Variants in AGL observed in about 807,000 individuals in gnomAD.
The protein encoded by AGL is amylo-alpha-1,6-glucosidase and 4-alpha-glucanotransferase, also known as glycogen debranching enzyme.
In AGL, 128 loss-of-function variants were observed where a neutral mutation model predicts 199.3. That is an observed-to-expected ratio of 0.64 (90% CI 0.56 to 0.74). The LOEUF (loss-of-function observed/expected upper bound fraction) is 0.74, where lower values mean the gene tolerates loss of function less well. AGL is among the 30% of genes least tolerant of loss of function. The pLI, the probability that AGL is intolerant of heterozygous loss-of-function variation, is 0.00. For synonymous variants in AGL, 584 were observed against 594.7 expected, an observed-to-expected ratio of 0.98 and a Z score of 0.26; for missense variants, 1,809 against 1,820.8, an observed-to-expected ratio of 0.99 and a Z score of 0.12.
In AGL at chr1:99,913,712, C is replaced by T; in HGVS notation, c.4135C>T (p.Pro1379Ser). ...TCCTTGGTGTGACTATCAGCTCAGG[C>T]CTAATTTTACCATAGCAATGGTTGT... The part of the protein sequence containing the change: ...SSPWCDYQLR[P>S]NFTIAMVVAP... The change falls in exon 30 of 34, where the codon CCT becomes TCT. Residue 1379 changes from proline to serine, a missense_variant. Physicochemically the swap from Pro to Ser is moderately conservative, Grantham distance 74. Coordinates refer to ENST00000361915, the MANE Select transcript of AGL (RefSeq NM_000642.3). The T allele has an allele frequency of 6.2e-7, 1 of 1,613,966 alleles. No individual in the cohort carries two copies. The highest frequency in any genetic ancestry group is 8.5e-7 in the Non-Finnish European group (1 of 1,179,916).
At chr1:99,892,997 A>C (rs1653026877) in intron 24 of AGL, among the ~76,000 whole-genome samples, 1 of 152,192 alleles carries the variant, frequency 6.6e-6, no homozygotes, top group South Asian at 2.1e-4. Flanking sequence ...AAAACAAAAC[A>C]GATGTTAAAT....
chr1:99,867,518 C>T (rs756624700), intron 5 of AGL, among the ~76,000 whole-genome samples: 8 of 151,984 alleles, frequency 5.3e-5, no homozygotes, highest in East Asian at 3.9e-4. Context: ...TTCTCCCTGC[C>T]GGCCCTGTCT....
At chr1:99,894,663 A>G (rs184136289) in intron 24 of AGL, among the ~76,000 whole-genome samples, 61 of 152,338 alleles carry the variant, frequency 4.0e-4, no homozygotes, top group African/African-American at 1.3e-3. Flanking sequence ...AGAAACTAAC[A>G]TCTAATTCCC....
chr1:99,864,309 A>G, intron 4 of AGL, 77 bp from the exon 5 acceptor site: 1 of 1,326,286 alleles, frequency 7.5e-7, no homozygotes, highest in Non-Finnish European at 1.1e-6. Flanking sequence ...AAGAAAGTTT[A>G]AATTTATATT....
intron 24 of AGL, among the ~76,000 whole-genome samples, chr1:99,894,186 CAAA>C (rs397966572): frequency 1.9e-5 from 2 of 106,714 alleles, no homozygotes; most frequent in African/African-American, 3.5e-5. Context: ...GACCCTGTCT[CAAA>C]AAAAAAAAAA....
Position 99,916,707 on chromosome 1 carries a change from C to T in AGL, c.4457C>T (p.Ser1486Phe), listed in dbSNP as rs1655146046. 3 of 1,613,058 alleles carry T rather than the reference C, an allele frequency of 1.9e-6. No individual in the cohort carries two copies. The highest frequency in any genetic ancestry group is 1.3e-5 in the African/African-American group (1 of 74,840). The stretch of plus-strand genomic sequence containing the variant: ...ATAGTTTTGGTTAAAAATGTTCTTT[C>T]CCGACATTATGTTCATCTTGAGAGG... ...KTIVLVKNVL[S>F]RHYVHLERSP... Residue 1486 changes from serine to phenylalanine, a missense_variant, in exon 33 of 34, where the codon TCC becomes TTC. Coordinates refer to ENST00000361915, the MANE Select transcript of AGL (RefSeq NM_000642.3).
chr1:99,906,422 A>G (rs1654297474), intron 27 of AGL, among the ~76,000 whole-genome samples: 2 of 152,150 alleles, frequency 1.3e-5, no homozygotes, highest in Admixed American at 1.3e-4. Context: ...GCCATTTTCA[A>G]GTGTACAGTT....
In AGL at chr1:99,922,321, A is replaced by G. The variant is rs886044927; in HGVS notation, c.*670A>G. On this transcript the variant is annotated 3_prime_UTR_variant, in exon 34 of 34. Transcript: ENST00000361915. ...TTTATTTCCTAAAAACAGTTTTGTA[A>G]AATTAGTATTGAGTTCTATTGAGTA... 3.3e-5 allele frequency: 5 copies of G among 151,824 alleles called. No individual in the cohort carries two copies. Among genetic ancestry groups the G allele is most frequent in the Non-Finnish European group, 5.9e-5 (4 of 67,812 alleles). 9.4% of individuals were successfully genotyped at this position (151,824 alleles called of 1,614,324 possible).
intron 4 of AGL, among the ~76,000 whole-genome samples, chr1:99,863,529 T>C (rs986563192): frequency 6.6e-6 from 1 of 152,052 alleles, no homozygotes; most frequent in African/African-American, 2.4e-5. Flanking sequence ...CTCGGCTCAC[T>C]GCAAGCTCCG....
chr1:99,857,721 A>G (rs1649644760), intron 2 of AGL, among the ~76,000 whole-genome samples: 4 of 149,688 alleles, frequency 2.7e-5, no homozygotes, highest in Admixed American at 2.7e-4. Context: ...CTGAGGCAGG[A>G]GAATCAGGCA....
intron 2 of AGL, among the ~76,000 whole-genome samples, chr1:99,857,041 C>T (rs1182132588): frequency 6.6e-6 from 1 of 151,890 alleles, no homozygotes; most frequent in Non-Finnish European, 1.5e-5. Flanking sequence ...CCTCACCTCC[C>T]GGATGGGGCG....
rs1469251200 is a variant in AGL at position 99,851,060 on chromosome 1, G to A, written c.18G>A (p.Gln6=). MGHSK[Q]IRILLLNEME... ...AAGCCAAAATGGGACACAGTAAACAGATTCGAATTTTACTTCTGAACGAAA... is the reference window on the plus strand; with the variant it reads ...AAGCCAAAATGGGACACAGTAAACAAATTCGAATTTTACTTCTGAACGAAA... The change falls in exon 2 of 34, where the codon CAG becomes CAA. Residue 6 remains glutamine (Q), a synonymous_variant. Transcript: ENST00000361915. The A allele has an allele frequency of 1.9e-6, 3 of 1,613,594 alleles. No homozygotes were observed. The highest frequency in any genetic ancestry group is 1.7e-5 in the Admixed American group (1 of 60,036).
intron 27 of AGL, among the ~76,000 whole-genome samples, chr1:99,903,459 A>G (rs1348197889): frequency 6.6e-6 from 1 of 152,204 alleles, no homozygotes; most frequent in African/African-American, 2.4e-5. Context: ...TACAAAGGAC[A>G]TGAACTCATC....
At chr1:99,871,465 G>A (rs978436428) in intron 7 of AGL, among the ~76,000 whole-genome samples, 3 of 149,646 alleles carry the variant, frequency 2.0e-5, no homozygotes, top group Non-Finnish European at 4.4e-5. Flanking sequence ...TGAGAAAGTA[G>A]GGTTTGTAGG....
chr1:99,862,967 C>T (rs903128541), intron 4 of AGL, among the ~76,000 whole-genome samples: 15 of 150,672 alleles, frequency 1.0e-4, no homozygotes, highest in East Asian at 7.8e-4. Context: ...TTTTTTGAGA[C>T]GGAGTATCAC....
intron 12 of AGL, among the ~76,000 whole-genome samples, chr1:99,878,669 A>C (rs951994729): frequency 1.3e-5 from 2 of 152,060 alleles, no homozygotes; most frequent in African/African-American, 4.8e-5. Flanking sequence ...AGTGTCACTT[A>C]GGTGTTCTTT....
At position 99,888,113 on chromosome 1, in the gene AGL, G is replaced by A. The variant is rs546045645; in HGVS notation, c.2812+5G>A. ...TTAAATATGCAGGTCTTCAAGGTAA[G>A]CAAATGGAAGGATAGCTGAGCTTTG... On this transcript the variant is annotated splice_donor_5th_base_variant and intron_variant, in intron 21 of 33. Transcript: ENST00000361915. 6.2e-7 allele frequency: 1 copy of A among 1,612,758 alleles called. No homozygotes were observed. Among genetic ancestry groups the A allele is most frequent in the East Asian group, 2.2e-5 (1 of 44,796 alleles).
At chr1:99,883,305 T>G (rs1205289958) in intron 17 of AGL, among the ~76,000 whole-genome samples, 1 of 152,170 alleles carries the variant, frequency 6.6e-6, no homozygotes, top group Non-Finnish European at 1.5e-5. Flanking sequence ...GTTGAAATTT[T>G]ATATAATCCA....
chr1:99,855,409 A>G (rs1359482559), intron 2 of AGL, among the ~76,000 whole-genome samples: 1 of 152,140 alleles, frequency 6.6e-6, no homozygotes, highest in Admixed American at 6.5e-5. Flanking sequence ...ATTTCTATAG[A>G]TTCTTCCAGT....
Sources: gnomAD v4.1 joint callset for allele counts (sites outside exome capture counted in the v4.1 genomes callset) on GRCh38, gnomAD v4.1.1 for gene constraint, MANE v1.5 for transcripts, NCBI Gene and HGNC (gene_info 2026-07-23, HGNC 2026-07-21) for gene names.